Variants in KCNA2 observed in about 807,000 individuals in gnomAD.
KCNA2 encodes potassium channel, voltage gated shaker related subfamily A, member 2.
A neutral mutation model predicts 33.4 loss-of-function variants in KCNA2; 11 were observed. That is an observed-to-expected ratio of 0.33 (90% CI 0.21 to 0.55). The LOEUF (loss-of-function observed/expected upper bound fraction) is 0.55, where lower values mean the gene tolerates loss of function less well. Among genes scored for constraint, KCNA2 ranks in the 20% least tolerant of loss-of-function variants. KCNA2 has a pLI of 0.93. For synonymous variants in KCNA2, 222 were observed against 231.3 expected, an observed-to-expected ratio of 0.96 and a Z score of 0.37; for missense variants, 291 against 621.6, an observed-to-expected ratio of 0.47 and a Z score of 5.66.
upstream of KCNA2, among the ~76,000 whole-genome samples, chr1:110,608,478 C>A (rs948322672): frequency 6.6e-6 from 1 of 152,218 alleles, no homozygotes; most frequent in African/African-American, 2.4e-5. Context: ...AAACCCTCCT[C>A]TCTATGCGTG....
At chr1:110,617,054 T>A (rs1650090122) in intron 1 of KCNA2, among the ~76,000 whole-genome samples, 1 of 152,238 alleles carries the variant, frequency 6.6e-6, no homozygotes, top group Non-Finnish European at 1.5e-5. Context: ...GAAGTGAAGC[T>A]TGGGCATTCT....
chr1:110,603,293 G>A lies in KCNA2; in HGVS notation c.1490C>T (p.Thr497Ile). ...GGTAATAGGTTTCAATCAGACATCA[G>A]TTAACATTTTGGTAATATTCACATA... is the stretch of plus-strand genomic sequence containing the variant. ...TNYVNITKMLTDV is the reference protein window; with the variant it reads ...TNYVNITKMLIDV Residue 497 changes from threonine (T) to isoleucine (I), a missense_variant, in exon 3 of 3, where the codon ACT becomes ATT. Physicochemically the swap from Thr to Ile is moderately conservative, Grantham distance 89. Transcript: ENST00000316361. This position sits in a 1 kb window ranked among gnomAD's most constrained non-coding sequence, Gnocchi z 5.7. 6.2e-7 allele frequency: 1 copy of A among 1,603,684 alleles called. No homozygotes were observed. The highest frequency in any genetic ancestry group is 8.5e-7 in the Non-Finnish European group (1 of 1,175,042).
At chr1:110,615,169 G>C (rs1325347096) in intron 1 of KCNA2, among the ~76,000 whole-genome samples, 1 of 152,150 alleles carries the variant, frequency 6.6e-6, no homozygotes, top group Non-Finnish European at 1.5e-5. Context: ...GAAGTTTCAT[G>C]GCCTAAGGCA....
chr1:110,611,342 C>T (rs557234437), upstream of KCNA2, among the ~76,000 whole-genome samples: 2 of 152,336 alleles, frequency 1.3e-5, no homozygotes, highest in Admixed American at 6.5e-5. Context: ...CTTCAGCTGC[C>T]TCTAAGGGGC....
rs971406217 is a variant in KCNA2, at chr1:110,601,394, G to A, written c.*1889C>T. The A allele has an allele frequency of 5.1e-5, 50 of 985,338 alleles. No homozygotes were observed. Among genetic ancestry groups the A allele is most frequent in the Non-Finnish European group, 6.0e-5 (50 of 829,968 alleles). 61.0% of individuals were successfully genotyped at this position (985,338 alleles called of 1,614,324 possible). On this transcript the variant is annotated 3_prime_UTR_variant, in exon 3 of 3. Coordinates refer to ENST00000316361, the MANE Select transcript of KCNA2 (RefSeq NM_004974.4). ...ATTCTGGCTCTTTAGCGAAAGGTTT[G>A]TGAAAGTGACGGATGCAGAGCCAAA...
At chr1:110,624,115 C>T (rs1358909176) in intron 1 of KCNA2, among the ~76,000 whole-genome samples, 2 of 152,076 alleles carry the variant, frequency 1.3e-5, no homozygotes, top group Non-Finnish European at 2.9e-5. Flanking sequence ...AAGCATATAC[C>T]TACTATATTA....
chr1:110,625,794 A>C (rs1426441765), intron 1 of KCNA2, among the ~76,000 whole-genome samples: 1 of 152,230 alleles, frequency 6.6e-6, no homozygotes, highest in Non-Finnish European at 1.5e-5. Context: ...GGCAATGAAC[A>C]ATCAGTCCAC....
intron 1 of KCNA2, among the ~76,000 whole-genome samples, chr1:110,629,190 T>A (rs1650481401): frequency 6.6e-6 from 1 of 152,066 alleles, no homozygotes; most frequent in African/African-American, 2.4e-5. Flanking sequence ...AGAGCCTGAG[T>A]TTAGTGGCTG....
At chr1:110,613,059 C>T (rs1340016935) in intron 1 of KCNA2, among the ~76,000 whole-genome samples, 2 of 152,226 alleles carry the variant, frequency 1.3e-5, no homozygotes, top group Non-Finnish European at 2.9e-5. Flanking sequence ...AGGTATTTAT[C>T]TCAGTGACTT....
intron 1 of KCNA2, among the ~76,000 whole-genome samples, chr1:110,614,971 T>C (rs1473642814): frequency 3.9e-5 from 6 of 152,212 alleles, no homozygotes; most frequent in Admixed American, 3.9e-4. Context: ...TGAAAACGAA[T>C]CCTGCAAACA....
In KCNA2 at chr1:110,600,288, TTGTG is replaced by T; in HGVS notation, c.*2991_*2994del. 1 of 983,190 alleles carries T rather than the reference TTGTG, an allele frequency of 1.0e-6. No individual in the cohort carries two copies. The highest frequency in any genetic ancestry group is 1.2e-6 in the Non-Finnish European group (1 of 829,510). 60.9% of individuals were successfully genotyped at this position (983,190 alleles called of 1,614,324 possible). A position where few individuals can be genotyped will look rare whatever the true frequency, so the allele number is the denominator to read the frequency against. On this transcript the variant is annotated 3_prime_UTR_variant, in exon 3 of 3. Transcript: ENST00000316361. ...AATGCATCGTGTGTATATACTGAGT[TTGTG>T]TGTATTTTATGTGTAGAAACAATGG...
chr1:110,609,228 C>T (rs781395406), upstream of KCNA2, among the ~76,000 whole-genome samples: 39 of 152,172 alleles, frequency 2.6e-4, no homozygotes, highest in Non-Finnish European at 5.3e-4. Flanking sequence ...GATACTCTAT[C>T]CATCTGATCA....
chr1:110,623,819 C>T (rs1650319652), intron 1 of KCNA2, among the ~76,000 whole-genome samples: 1 of 151,856 alleles, frequency 6.6e-6, no homozygotes, highest in Non-Finnish European at 1.5e-5. Flanking sequence ...AGGCATCTCA[C>T]CAAAGAACAT....
chr1:110,630,140 C>T (rs1650514300), intron 1 of KCNA2, among the ~76,000 whole-genome samples: 1 of 151,792 alleles, frequency 6.6e-6, no homozygotes, highest in African/African-American at 2.4e-5. Context: ...CTCAGCCTCC[C>T]AAGTAGCTGG....
Position 110,603,708 on chromosome 1 carries a change from G to C in KCNA2, c.1075C>G (p.Pro359Ala). Residue 359 changes from proline to alanine, a missense_variant, in exon 3 of 3, where the codon CCC (proline) becomes GCC (alanine). By Grantham distance (27) the Pro-to-Ala change is conservative (BLOSUM62 -1). This residue lies in a region of KCNA2 where 11 missense variants were observed against 16.2 expected (regional missense o/e 0.68). Coordinates refer to ENST00000316361, the MANE Select transcript of KCNA2 (RefSeq NM_004974.4). This position sits in a 1 kb window ranked among gnomAD's most constrained non-coding sequence, Gnocchi z 5.7. ...CACCAGAAGGCATCTGGGATGCTGG[G>C]GAACTGGGACTCTCGCTCATCGGCC... is the stretch of plus-strand genomic sequence containing the variant. ...AEADERESQFPSIPDAFWWAV... is the reference protein window; with the variant it reads ...AEADERESQFASIPDAFWWAV... The C allele has an allele frequency of 1.2e-6, 2 of 1,614,014 alleles. No individual in the cohort carries two copies. Among genetic ancestry groups the C allele is most frequent in the Non-Finnish European group, 1.7e-6 (2 of 1,180,018 alleles).
rs1553180075 is a variant in KCNA2 at position 110,594,308 on chromosome 1, C to CACAT, written c.*8974_*8975insATGT. 1.4e-5 allele frequency: 9 copies of CACAT among 660,406 alleles called. No homozygotes were observed. Among genetic ancestry groups the CACAT allele is most frequent in the Admixed American group, 1.8e-4 (2 of 11,282 alleles). The allele number at this position is 660,406 out of a possible 1,614,324, so 40.9% of individuals were successfully genotyped here. A position where few individuals can be genotyped will look rare whatever the true frequency, so the allele number is the denominator to read the frequency against. ...CTCTCTCTCTCTATATATATATATA[C>CACAT]ATATATATATATATGTGTGTGTATA... On this transcript the variant is annotated 3_prime_UTR_variant, in exon 3 of 3. Transcript: ENST00000316361.
intron 1 of KCNA2, among the ~76,000 whole-genome samples, chr1:110,621,100 A>T (rs1277019296): frequency 6.6e-6 from 1 of 152,140 alleles, no homozygotes; most frequent in South Asian, 2.1e-4. Context: ...TGGACAACCA[A>T]TCTCTGGGGA....
At chr1:110,616,610 A>G (rs148427167) in intron 1 of KCNA2, among the ~76,000 whole-genome samples, 74 of 152,362 alleles carry the variant, frequency 4.9e-4, no homozygotes, top group African/African-American at 1.7e-3. Context: ...TCTCCAGGCT[A>G]TGTGAGAAGG....
In KCNA2 at chr1:110,602,268, CTTCTGATGGG is replaced by C; in HGVS notation, c.*1005_*1014del. 6.6e-7 allele frequency: 1 copy of C among 1,513,106 alleles called. No individual in the cohort carries two copies. The highest frequency in any genetic ancestry group is 8.8e-7 in the Non-Finnish European group (1 of 1,132,016). 93.7% of individuals were successfully genotyped at this position (1,513,106 alleles called of 1,614,324 possible). Reference sequence around the variant, plus strand: ...TTTCCCCTGATGGAGGGATTTTTGCCTTCTGATGGGAAAAAAACCCCTAGTTCAAGACCAT... The same window carrying C: ...TTTCCCCTGATGGAGGGATTTTTGCCAAAAAAACCCCTAGTTCAAGACCAT... On this transcript the variant is annotated 3_prime_UTR_variant, in exon 3 of 3. Coordinates refer to ENST00000316361, the MANE Select transcript of KCNA2 (RefSeq NM_004974.4).
Sources: gnomAD v4.1 joint callset for allele counts (sites outside exome capture counted in the v4.1 genomes callset) on GRCh38, gnomAD v4.1.1 for gene constraint, gnomAD v4.1.1 regional missense constraint, Gnocchi (gnomAD v3.1) non-coding constraint, MANE v1.5 for transcripts, NCBI Gene and HGNC (gene_info 2026-07-23, HGNC 2026-07-21) for gene names.